ANO10: variants seen among roughly 807,000 people sequenced by gnomAD.
ANO10 encodes anoctamin 10, also known as anoctamin-10.
A neutral mutation model predicts 74.7 loss-of-function variants in ANO10; 77 were observed. The observed-to-expected ratio is 1.03, with a 90% confidence interval of 0.86 to 1.25. The LOEUF (loss-of-function observed/expected upper bound fraction) is 1.25. Among genes scored for constraint, ANO10 ranks in the 50% most tolerant of loss-of-function variants. The pLI, the probability that ANO10 is intolerant of heterozygous loss-of-function variation, is 0.00. For synonymous variants in ANO10, 279 were observed against 284.9 expected, an observed-to-expected ratio of 0.98 and a Z score of 0.21; for missense variants, 721 against 778.1, an observed-to-expected ratio of 0.93 and a Z score of 0.87.
intron 1 of ANO10, among the ~76,000 whole-genome samples, chr3:43,673,582 T>C (rs1452815109): frequency 8.5e-5 from 13 of 152,162 alleles, no homozygotes; most frequent in Non-Finnish European, 1.9e-4. Context: ...TTTATGGGGA[T>C]GCCTATTATT....
intron 11 of ANO10, chr3:43,485,310 T>C: frequency 1.8e-6 from 1 of 551,818 alleles, no homozygotes; most frequent in Non-Finnish European, 3.3e-6. Context: ...CTGACTTCCA[T>C]ACCTCCGGAT....
At chr3:43,504,638 A>C (rs1045195618) in intron 11 of ANO10, among the ~76,000 whole-genome samples, 4 of 151,946 alleles carry the variant, frequency 2.6e-5, no homozygotes, top group Non-Finnish European at 5.9e-5. Flanking sequence ...TGACAGAAAT[A>C]ATTATTTATT....
intron 1 of ANO10, among the ~76,000 whole-genome samples, chr3:43,676,677 A>G (rs1194163979): frequency 6.6e-6 from 1 of 152,148 alleles, no homozygotes; most frequent in Non-Finnish European, 1.5e-5. Context: ...GGACATTGTA[A>G]TATCATTTTG....
Position 43,440,814 on chromosome 3 carries a change from C to T in ANO10, c.1798-8087G>A, listed in dbSNP as rs140313724. On this transcript the variant is annotated intron_variant, in intron 11 of 12. Coordinates refer to ENST00000292246, the MANE Select transcript of ANO10 (RefSeq NM_018075.5). ...TCATACCTAAGGCCACAAAACAAGC[C>T]GTAACAAATTCAAGAAGACTGAAAT... is the stretch of plus-strand genomic sequence containing the variant. Among the ~76,000 whole-genome samples the T allele has an allele frequency of 6.8e-4, 104 of 151,984 alleles. 1 individual carries two copies. Among genetic ancestry groups the T allele is most frequent in the African/African-American group, 2.4e-3 (99 of 41,480 alleles).
chr3:43,448,516 G>T (rs951114455), intron 11 of ANO10, among the ~76,000 whole-genome samples: 8 of 152,108 alleles, frequency 5.3e-5, no homozygotes, highest in African/African-American at 1.4e-4. Flanking sequence ...TCTTTTCATG[G>T]CTTGATAGCT....
intron 12 of ANO10, among the ~76,000 whole-genome samples, chr3:43,406,084 G>A (rs932105845): frequency 5.3e-5 from 8 of 152,172 alleles, no homozygotes; most frequent in East Asian, 3.9e-4. Flanking sequence ...ACCACAGACC[G>A]CTACTGTGAT....
At chr3:43,451,154 C>CA (rs2074850140) in intron 11 of ANO10, among the ~76,000 whole-genome samples, 2 of 152,192 alleles carry the variant, frequency 1.3e-5, no homozygotes, top group Non-Finnish European at 2.9e-5. Flanking sequence ...AGGCAACACT[C>CA]AGAGTATAAG....
intron 1 of ANO10, among the ~76,000 whole-genome samples, chr3:43,645,144 C>T (rs1291793172): frequency 1.3e-5 from 2 of 152,190 alleles, no homozygotes; most frequent in African/African-American, 4.8e-5. Context: ...CATTATTTAT[C>T]TTGATTATCC....
At chr3:43,524,300 G>A (rs1039384756) in intron 11 of ANO10, among the ~76,000 whole-genome samples, 1 of 2,854 alleles carries the variant, frequency 3.5e-4, no homozygotes, top group Non-Finnish European at 7.9e-3. Context: ...TTGGTTGGGG[G>A]AAATATTCAA....
intron 1 of ANO10, among the ~76,000 whole-genome samples, chr3:43,647,294 T>C (rs930756160): frequency 2.0e-5 from 3 of 151,938 alleles, no homozygotes; most frequent in Non-Finnish European, 4.4e-5. Flanking sequence ...TGTCTGCAAG[T>C]TGGAGAATTA....
chr3:43,643,363 C>T (rs2083690639), intron 1 of ANO10, among the ~76,000 whole-genome samples: 1 of 151,654 alleles, frequency 6.6e-6, no homozygotes, highest in Non-Finnish European at 1.5e-5. Context: ...TTCCTAGAAA[C>T]GAGATTGCTG....
rs756881754 is a variant in ANO10 at position 43,576,998 on chromosome 3, GC to G, written c.855del (p.Pro286GlnfsTer48). On this transcript the variant is annotated frameshift_variant, in exon 6 of 13. Coordinates refer to ENST00000292246, the MANE Select transcript of ANO10 (RefSeq NM_018075.5). LOFTEE classifies it high-confidence loss of function. ...ATACCCAAGACACCATGAAATCCTG[GC>G]CGGGGCTCCTCAAACTTTCTCTTCA... Reference protein sequence around the residue: ...LLMKRKFEEPRPGFHGVLGIN... With the variant: ...LLMKRKFEEPXPGFHGVLGIN... 1 of 1,613,736 alleles carries G rather than the reference GC, an allele frequency of 6.2e-7. No individual in the cohort carries two copies. Among genetic ancestry groups the G allele is most frequent in the Non-Finnish European group, 8.5e-7 (1 of 1,179,666 alleles).
At chr3:43,678,160 A>G (rs1175383756) in intron 1 of ANO10, among the ~76,000 whole-genome samples, 4 of 152,222 alleles carry the variant, frequency 2.6e-5, no homozygotes, top group African/African-American at 9.6e-5. Flanking sequence ...TGTTATGCAA[A>G]ACCATCTAAT....
intron 11 of ANO10, among the ~76,000 whole-genome samples, chr3:43,480,011 A>T (rs1288057222): frequency 6.6e-6 from 1 of 152,248 alleles, no homozygotes; most frequent in African/African-American, 2.4e-5. Flanking sequence ...GAAGAAAAGT[A>T]CAGAGGGATA....
intron 1 of ANO10, among the ~76,000 whole-genome samples, chr3:43,628,976 A>G (rs987413061): frequency 4.6e-5 from 7 of 152,018 alleles, no homozygotes; most frequent in Admixed American, 4.6e-4. Context: ...GTCATATTCT[A>G]TTACCTTGTG....
intron 3 of ANO10, among the ~76,000 whole-genome samples, 167 bp from the exon 4 acceptor site, chr3:43,598,833 T>C (rs2082209035): frequency 6.6e-6 from 1 of 152,200 alleles, no homozygotes; most frequent in Admixed American, 6.5e-5. Context: ...TTAGATATTT[T>C]ATAAGAATAA....
chr3:43,396,145 A>G (rs918397617), intron 12 of ANO10, among the ~76,000 whole-genome samples: 2 of 151,902 alleles, frequency 1.3e-5, no homozygotes, highest in African/African-American at 4.8e-5. Context: ...TGGTAGGAAT[A>G]GACACCCTTT....
At chr3:43,407,581 G>A (rs2092598448) in intron 12 of ANO10, among the ~76,000 whole-genome samples, 1 of 152,162 alleles carries the variant, frequency 6.6e-6, no homozygotes, top group African/African-American at 2.4e-5. Flanking sequence ...CCAGGTCAAG[G>A]AGAATGATGT....
chr3:43,504,141 A>G (rs146943263), intron 11 of ANO10, among the ~76,000 whole-genome samples: 57 of 152,122 alleles, frequency 3.7e-4, no homozygotes, highest in African/African-American at 1.3e-3. Context: ...GGTGGCGGAC[A>G]CCTGTAATCC....
Sources: allele counts gnomAD v4.1 joint callset (sites outside exome capture counted in the v4.1 genomes callset), GRCh38; gene constraint gnomAD v4.1.1; transcripts MANE v1.5; gene names NCBI Gene and HGNC (gene_info 2026-07-23, HGNC 2026-07-21).